Variants in ITGA11 observed in about 807,000 individuals in gnomAD.
ITGA11 encodes integrin alpha-11.
Under a neutral mutation model 141.9 loss-of-function variants are expected in ITGA11, and 97 were observed. The observed-to-expected ratio is 0.68, with a 90% CI of 0.58 to 0.81. The LOEUF is 0.81. Among genes scored for constraint, ITGA11 ranks in the 30% least tolerant of loss-of-function variants. The pLI, the probability that ITGA11 is intolerant of heterozygous loss-of-function variation, is 0.00. For synonymous variants in ITGA11, 658 were observed against 624.6 expected (o/e 1.05, Z -0.80); for missense variants, 1,387 against 1,559.2 (o/e 0.89, Z 1.86).
chr15:68,414,050 G>A (rs1896834366), intron 1 of ITGA11, among the ~76,000 whole-genome samples: 1 of 152,198 alleles, frequency 6.6e-6, no homozygotes, highest in Non-Finnish European at 1.5e-5. Context: ...GAAAGACAGA[G>A]GCCTTGGTGG....
intron 2 of ITGA11, among the ~76,000 whole-genome samples, chr15:68,377,814 T>C (rs1191615656): frequency 6.6e-6 from 1 of 152,218 alleles, no homozygotes; most frequent in Non-Finnish European, 1.5e-5. Context: ...CTGCTCTTGG[T>C]TCCACTCCAA....
chr15:68,328,969 A>G lies in ITGA11; in HGVS notation c.1902-707T>C, dbSNP rs1476088090. Among the ~76,000 whole-genome samples the G allele has an allele frequency of 6.6e-6, 1 of 152,246 alleles. No homozygotes were observed. The highest frequency in any genetic ancestry group is 1.5e-5 in the Non-Finnish European group (1 of 68,046). ...ATACCGGCCTAAGTCAAATGTAATT[A>G]GGAACGGAAACCTATTGCCTCTCCC... On this transcript the variant is annotated intron_variant, in intron 15 of 29. Transcript: ENST00000315757. The surrounding 1 kb of genome is among the most constrained non-coding windows in gnomAD (Gnocchi z 4.8).
intron 2 of ITGA11, among the ~76,000 whole-genome samples, chr15:68,400,090 AATAGAGTCAAGAAATAGGCCC>A (rs1485386487): frequency 6.6e-6 from 1 of 152,160 alleles, no homozygotes; most frequent in Non-Finnish European, 1.5e-5. Flanking sequence ...AATGGAATAA[AATAGAGTCAAGAAATAGGCCC>A]ATATATCTAT....
intron 2 of ITGA11, among the ~76,000 whole-genome samples, chr15:68,401,309 A>G (rs1348922120): frequency 1.3e-5 from 2 of 152,084 alleles, no homozygotes; most frequent in African/African-American, 2.4e-5. Context: ...AGGTCCTACT[A>G]AAAAGTTAAA....
intron 10 of ITGA11, among the ~76,000 whole-genome samples, chr15:68,347,052 T>G (rs1035159891): frequency 6.6e-6 from 1 of 152,234 alleles, no homozygotes; most frequent in African/African-American, 2.4e-5. Flanking sequence ...CCGGGTCCTT[T>G]CAGCACTTTA....
rs778608532 is a variant in ITGA11 at position 68,303,729 on chromosome 15, C to G, written c.3495+43G>C. ...TCCAGGGGCTGGAGCCTGGGCCCAC[C>G]AGCCAGGATGCTGCTCCTTCCCTCC... On this transcript the variant is annotated intron_variant, in intron 29 of 29. Coordinates refer to ENST00000315757, the MANE Select transcript of ITGA11 (RefSeq NM_001004439.2). The surrounding 1 kb of genome is among the most constrained non-coding windows in gnomAD (Gnocchi z 5.3). 7.9e-5 allele frequency: 111 copies of G among 1,407,174 alleles called. No individual in the cohort carries two copies. The highest frequency in any genetic ancestry group is 4.6e-4 in the Admixed American group (26 of 56,710). 87.2% of individuals were successfully genotyped at this position (1,407,174 alleles called of 1,614,324 possible). A position where few individuals can be genotyped will look rare whatever the true frequency, so the allele number is the denominator to read the frequency against.
intron 1 of ITGA11, among the ~76,000 whole-genome samples, chr15:68,429,156 C>T (rs1210400443): frequency 6.6e-6 from 1 of 152,186 alleles, no homozygotes; most frequent in Non-Finnish European, 1.5e-5. Flanking sequence ...AAGCATTAAT[C>T]TTTGTGATAA....
In ITGA11 at chr15:68,325,165, A is replaced by G. The variant is rs774747632; in HGVS notation, c.2288T>C (p.Leu763Pro). ...SLEDPDHGPM[L>P]DDGWPTTLRV... is the part of the protein sequence containing the mutation. Reference sequence around the variant, plus strand: ...GAGAGTGGTGGGCCAGCCGTCGTCCAGCATGGGGCCATGGTCAGGGTCCTC... The same window carrying G: ...GAGAGTGGTGGGCCAGCCGTCGTCCGGCATGGGGCCATGGTCAGGGTCCTC... The change falls in exon 18 of 30, where the codon CTG becomes CCG. Residue 763 changes from leucine (L) to proline (P), a missense_variant. Leu to Pro is a moderately conservative substitution (Grantham distance 98). Transcript: ENST00000315757. This position sits in a 1 kb window ranked among gnomAD's most constrained non-coding sequence, Gnocchi z 5.5. The G allele has an allele frequency of 1.2e-6, 2 of 1,613,960 alleles. No homozygotes were observed. Among genetic ancestry groups the G allele is most frequent in the East Asian group, 2.2e-5 (1 of 44,868 alleles).
chr15:68,348,956 C>G, intron 9 of ITGA11, 56 bp from the exon 10 acceptor site: 3 of 1,469,474 alleles, frequency 2.0e-6, no homozygotes, highest in Non-Finnish European at 2.8e-6. Flanking sequence ...TAGCGCCAGA[C>G]AGATCTGCTG....
intron 24 of ITGA11, among the ~76,000 whole-genome samples, chr15:68,312,291 T>C (rs1401658588): frequency 6.6e-6 from 1 of 152,172 alleles, no homozygotes; most frequent in East Asian, 1.9e-4. Flanking sequence ...GGTCCCTTAA[T>C]AAGGAGGGAG....
At position 68,414,674 on chromosome 15, in the gene ITGA11, G is replaced by A. The variant is rs148304448; in HGVS notation, c.53-11645C>T. On this transcript the variant is annotated intron_variant, in intron 1 of 29. Coordinates refer to ENST00000315757, the MANE Select transcript of ITGA11 (RefSeq NM_001004439.2). ...TCCCCTCAGAGGGGAGGAGCAGGCA[G>A]ACTGGCACCGGGGGCACTCCCGTGG... 3.0e-3 allele frequency among the ~76,000 whole-genome samples: 455 copies of A among 152,322 alleles called. 3 individuals are homozygous for A. The highest frequency in any genetic ancestry group is 0.011 in the African/African-American group (444 of 41,566).
chr15:68,332,304 C>A, intron 13 of ITGA11, 34 bp downstream of exon 13: 3 of 1,583,060 alleles, frequency 1.9e-6, no homozygotes, highest in Non-Finnish European at 1.7e-6. Context: ...GTTGGGGGCA[C>A]CTGAGAAGCT....
chr15:68,322,402 C>T lies in ITGA11; in HGVS notation c.2323-899G>A, dbSNP rs950832167. 8.6e-5 allele frequency among the ~76,000 whole-genome samples: 13 copies of T among 151,990 alleles called. No individual in the cohort carries two copies. The highest frequency in any genetic ancestry group is 2.1e-4 in the South Asian group (1 of 4,796). ...GCCACAACATTCGGGCAAGAGATGACGCTGGTGTCGGTGTGGTAGTGGGCA... is the reference window on the plus strand; with the variant it reads ...GCCACAACATTCGGGCAAGAGATGATGCTGGTGTCGGTGTGGTAGTGGGCA... On this transcript the variant is annotated intron_variant, in intron 18 of 29. Transcript: ENST00000315757. The surrounding 1 kb of genome is among the most constrained non-coding windows in gnomAD (Gnocchi z 5.6).
chr15:68,320,924 T>A (rs1317326219), intron 19 of ITGA11, among the ~76,000 whole-genome samples: 1 of 152,210 alleles, frequency 6.6e-6, no homozygotes, highest in Non-Finnish European at 1.5e-5. Context: ...GAATATGATA[T>A]TGTTCATTAT....
chr15:68,320,206 C>A lies in ITGA11; in HGVS notation c.2595G>T (p.Gln865His), dbSNP rs924238947. 2 of 1,613,914 alleles carry A rather than the reference C, an allele frequency of 1.2e-6. No homozygotes were observed. The highest frequency in any genetic ancestry group is 2.7e-5 in the African/African-American group (2 of 74,940). ...VLNISQSANLQFASLIQKEDS... is the reference protein window; with the variant it reads ...VLNISQSANLHFASLIQKEDS... ...TTACCTTCTGGATCAAGCTGGCAAA[C>A]TGCAGGTTTGCTGACTGCGAGATAT... Residue 865 changes from glutamine to histidine, a missense_variant, in exon 20 of 30, where the codon CAG (glutamine) becomes CAT (histidine). By Grantham distance (24) the Gln-to-His change is conservative. Transcript: ENST00000315757.
At position 68,382,826 on chromosome 15, in the gene ITGA11, G is replaced by A. The variant is rs139441177; in HGVS notation, c.165-13542C>T. Among the ~76,000 whole-genome samples, 195 of 152,306 alleles carry A rather than the reference G, an allele frequency of 1.3e-3. 2 individuals are homozygous for A. In the East Asian group the frequency reaches 0.03, roughly 23 times the overall value. ...AAACCAGGAAGAAAAGATTCAAGAGGGAAAGCAGGAATTCAACAGAAGATG... is the reference window on the plus strand; with the variant it reads ...AAACCAGGAAGAAAAGATTCAAGAGAGAAAGCAGGAATTCAACAGAAGATG... On this transcript the variant is annotated intron_variant, in intron 2 of 29. Coordinates refer to ENST00000315757, the MANE Select transcript of ITGA11 (RefSeq NM_001004439.2).
chr15:68,312,809 G>C lies in ITGA11; in HGVS notation c.2937C>G (p.Tyr979Ter). 1.2e-6 allele frequency: 2 copies of C among 1,613,636 alleles called. No homozygotes were observed. Among genetic ancestry groups the C allele is most frequent in the South Asian group, 2.2e-5 (2 of 91,070 alleles). The change falls in exon 24 of 30, where the codon TAC (tyrosine) becomes TAG (stop). Residue 979 changes from tyrosine (Y) to a stop codon, truncating the protein, a stop_gained. Transcript: ENST00000315757. LOFTEE classifies it high-confidence loss of function. Reference protein sequence around the residue: ...EVKPNSSLERYDGIGPPFSCI... With the variant: ...EVKPNSSLER Reference sequence around the variant, plus strand: ...AGCTGAAGGGAGGCCCGATACCATCGTATCTCTCCAGCGAGCTGTTGGGCT... The same window carrying C: ...AGCTGAAGGGAGGCCCGATACCATCCTATCTCTCCAGCGAGCTGTTGGGCT...
At chr15:68,422,155 C>T (rs1019150227) in intron 1 of ITGA11, among the ~76,000 whole-genome samples, 3 of 152,208 alleles carry the variant, frequency 2.0e-5, no homozygotes, top group African/African-American at 7.2e-5. Flanking sequence ...GCCCGCACCA[C>T]TGAGGCACGT....
chr15:68,320,810 C>G (rs918437299), intron 19 of ITGA11, among the ~76,000 whole-genome samples: 9 of 152,326 alleles, frequency 5.9e-5, no homozygotes, highest in Admixed American at 3.9e-4. Flanking sequence ...TGTGCTATTT[C>G]TCTTTATTAT....
Sources: gnomAD v4.1 joint callset for allele counts (sites outside exome capture counted in the v4.1 genomes callset) on GRCh38, gnomAD v4.1.1 for gene constraint, Gnocchi (gnomAD v3.1) non-coding constraint, MANE v1.5 for transcripts, NCBI Gene and HGNC (gene_info 2026-07-23, HGNC 2026-07-21) for gene names.